The following ATP10B variants were observed in gnomAD, a reference collection of about 807,000 sequenced individuals.
The protein encoded by ATP10B is ATPase phospholipid transporting 10B (putative), also known as phospholipid-transporting ATPase VB.
ATP10B carries 122 observed loss-of-function variants against 141.2 expected under a neutral mutation model. The ratio of observed to expected loss-of-function variants is 0.86; its 90% CI spans 0.75 to 1.00. The LOEUF (loss-of-function observed/expected upper bound fraction) is 1.00, where lower values mean the gene tolerates loss of function less well. Among genes scored for constraint, ATP10B ranks in the 50% least tolerant of loss-of-function variants. The pLI is 0.00. For missense variants in ATP10B, 1,876 were observed against 1,825.3 expected (o/e 1.03, Z -0.51); for synonymous variants, 685 against 692.0 (o/e 0.99, Z 0.16).
rs140037537 is a variant in ATP10B at position 160,583,213 on chromosome 5, G to A, written c.3750+6379C>T. On this transcript the variant is annotated intron_variant, in intron 24 of 25. Transcript: ENST00000327245. ...TGTGCTGTTTTTTTCTCATCTTCATGGATTTATCTACCTTCGGGTCTTTGA... is the reference window on the plus strand; with the variant it reads ...TGTGCTGTTTTTTTCTCATCTTCATAGATTTATCTACCTTCGGGTCTTTGA... Among the ~76,000 whole-genome samples the A allele has an allele frequency of 9.7e-3, 1,476 of 152,196 alleles. 27 individuals carry two copies. Among genetic ancestry groups the A allele is most frequent in the African/African-American group, 0.031 (1,290 of 41,500 alleles).
At chr5:160,727,523 G>A in intron 2 of ATP10B, among the ~76,000 whole-genome samples, 1 of 152,146 alleles carries the variant, frequency 6.6e-6, no homozygotes, top group Non-Finnish European at 1.5e-5. Flanking sequence ...TCATCTCTAA[G>A]CCCTTGGAAT....
At chr5:160,870,239 A>T in the ATP10B span, among the ~76,000 whole-genome samples, 8,358 of 152,268 alleles carry the variant, frequency 0.055, 311 homozygotes, top group East Asian at 0.13. Flanking sequence ...GCTAAAAGAC[A>T]GACTGAATCA....
At chr5:160,581,078 T>A (rs1755520539) in intron 24 of ATP10B, among the ~76,000 whole-genome samples, 5 of 152,218 alleles carry the variant, frequency 3.3e-5, no homozygotes, top group Admixed American at 3.3e-4. Context: ...ATTTTGTTAA[T>A]CTTTTCAAAA....
chr5:160,895,328 A>G, the ATP10B span, among the ~76,000 whole-genome samples: 1 of 152,184 alleles, frequency 6.6e-6, no homozygotes, highest in Non-Finnish European at 1.5e-5. Context: ...GCAAAGACAC[A>G]CATAGGCTCA....
chr5:160,783,484 A>G (rs1364363860), intron 2 of ATP10B, among the ~76,000 whole-genome samples: 1 of 143,994 alleles, frequency 6.9e-6, no homozygotes, highest in Non-Finnish European at 1.5e-5. Context: ...TCCATCATAT[A>G]TATGATCGAT....
chr5:160,608,760 C>T (rs1335546230), intron 18 of ATP10B, among the ~76,000 whole-genome samples: 1 of 152,142 alleles, frequency 6.6e-6, no homozygotes, highest in Non-Finnish European at 1.5e-5. Context: ...ATCCTTTGCC[C>T]ACTTTTTGAT....
In ATP10B at chr5:160,754,938, T is replaced by C. The variant is rs138681359; in HGVS notation, c.-331+30621A>G. Among the ~76,000 whole-genome samples, 36 of 152,318 alleles carry C rather than the reference T, an allele frequency of 2.4e-4. No individual in the cohort carries two copies. In the East Asian group the frequency reaches 6.7e-3, roughly 29 times the overall value. On this transcript the variant is annotated intron_variant, in intron 2 of 25. Transcript: ENST00000327245. Reference sequence around the variant, plus strand: ...TATTTAAGGTATAATACACTACACATATAGTCATGCTTCACCCAGCAAAGG... The same window carrying C: ...TATTTAAGGTATAATACACTACACACATAGTCATGCTTCACCCAGCAAAGG...
intron 2 of ATP10B, among the ~76,000 whole-genome samples, chr5:160,774,170 C>G (rs1026590167): frequency 1.3e-5 from 2 of 151,592 alleles, no homozygotes; most frequent in Admixed American, 6.6e-5. Context: ...GGTGGACATA[C>G]AAAGTAAATG....
the ATP10B span, among the ~76,000 whole-genome samples, chr5:160,921,306 G>GA: frequency 7.3e-5 from 11 of 150,024 alleles, no homozygotes; most frequent in African/African-American, 2.7e-4. Flanking sequence ...ATATCTTAAA[G>GA]ATTGTTTCAT....
intron 2 of ATP10B, among the ~76,000 whole-genome samples, chr5:160,725,812 G>A (rs1045724520): frequency 3.9e-5 from 6 of 152,182 alleles, no homozygotes; most frequent in African/African-American, 1.4e-4. Flanking sequence ...TGCTACATTG[G>A]TGGGAAGAAA....
At chr5:160,648,382 G>T (rs965819827) in intron 8 of ATP10B, among the ~76,000 whole-genome samples, 6 of 152,064 alleles carry the variant, frequency 3.9e-5, no homozygotes, top group Non-Finnish European at 8.8e-5. Flanking sequence ...TTTATGTGTG[G>T]CCCAAGACAA....
At chr5:160,631,268 G>A (rs1382509309) in intron 13 of ATP10B, among the ~76,000 whole-genome samples, 2 of 152,252 alleles carry the variant, frequency 1.3e-5, no homozygotes, top group Admixed American at 1.3e-4. Flanking sequence ...CGGAGAAAGA[G>A]TGTGTGCAAA....
chr5:160,782,849 G>A (rs77676304), intron 2 of ATP10B, among the ~76,000 whole-genome samples: 118 of 152,060 alleles, frequency 7.8e-4, no homozygotes, highest in African/African-American at 2.7e-3. Flanking sequence ...TTCACAAAGC[G>A]GGTTTGAGAA....
At chr5:160,899,784 G>C in the ATP10B span, among the ~76,000 whole-genome samples, 1 of 152,092 alleles carries the variant, frequency 6.6e-6, no homozygotes. Flanking sequence ...TGGCTGGGAG[G>C]CTCAGGATCT....
At chr5:160,760,552 G>C (rs1052952171) in intron 2 of ATP10B, among the ~76,000 whole-genome samples, 5 of 152,088 alleles carry the variant, frequency 3.3e-5, no homozygotes, top group Admixed American at 1.3e-4. Flanking sequence ...TCCAATTAAG[G>C]TCATTAAAAG....
Position 160,565,301 on chromosome 5 carries a change from T to G in ATP10B, c.*152A>C. On this transcript the variant is annotated 3_prime_UTR_variant, in exon 26 of 26. Coordinates refer to ENST00000327245, the MANE Select transcript of ATP10B (RefSeq NM_025153.3). ...TTTCCCGTCTTTGTGTCAGACCCCT[T>G]GGGGCCAGCACTTCCTCCATGGAAG... 1 of 783,678 alleles carries G rather than the reference T, an allele frequency of 1.3e-6. No individual in the cohort carries two copies. Among genetic ancestry groups the G allele is most frequent in the Non-Finnish European group, 2.0e-6 (1 of 493,560 alleles). 48.5% of individuals were successfully genotyped at this position (783,678 alleles called of 1,614,324 possible).
chr5:160,828,256 C>T (rs1240333286), intron 1 of ATP10B, among the ~76,000 whole-genome samples: 1 of 152,048 alleles, frequency 6.6e-6, no homozygotes, highest in Non-Finnish European at 1.5e-5. Flanking sequence ...AAGAAACTAC[C>T]ATCAGAGTGA....
At chr5:160,684,142 T>TGTCC (rs1385683009) in intron 6 of ATP10B, among the ~76,000 whole-genome samples, 1 of 152,192 alleles carries the variant, frequency 6.6e-6, no homozygotes, top group African/African-American at 2.4e-5. Context: ...TGTGCAGTCT[T>TGTCC]TGCTTTGGTT....
chr5:160,819,516 C>T (rs746740725), intron 1 of ATP10B, among the ~76,000 whole-genome samples: 3 of 152,102 alleles, frequency 2.0e-5, no homozygotes, highest in Non-Finnish European at 4.4e-5. Context: ...GGTAAGTACA[C>T]AGAAAAACAC....
Sources: gnomAD v4.1 joint callset for allele counts (sites outside exome capture counted in the v4.1 genomes callset) on GRCh38, gnomAD v4.1.1 for gene constraint, MANE v1.5 for transcripts, NCBI Gene and HGNC (gene_info 2026-07-23, HGNC 2026-07-21) for gene names.